AHRR: variants seen among roughly 807,000 people sequenced by gnomAD.
AHRR encodes the protein ahR repressor.
Under a neutral mutation model 44.0 loss-of-function variants are expected in AHRR, and 28 were observed. The observed-to-expected ratio is 0.64, with a 90% CI of 0.47 to 0.87. AHRR has a LOEUF of 0.87. AHRR is among the 40% of genes least tolerant of loss of function. AHRR has a pLI of 0.00. For missense variants in AHRR, 990 were observed against 953.9 expected (o/e 1.04, Z -0.50); for synonymous variants, 434 against 407.0 (o/e 1.07, Z -0.80).
chr5:353,601 C>G, intron 2 of AHRR, 129 bp from the exon 3 acceptor site: 1 of 824,490 alleles, frequency 1.2e-6, no homozygotes, highest in East Asian at 2.6e-5. Flanking sequence ...CTTTAGTCCT[C>G]TTCCCGTCTT....
At chr5:348,404 GT>G (rs1742751570) in intron 2 of AHRR, among the ~76,000 whole-genome samples, 1 of 151,336 alleles carries the variant, frequency 6.6e-6, no homozygotes, top group Non-Finnish European at 1.5e-5. Flanking sequence ...TGAACTGCAC[GT>G]TTAAGGTGTG....
chr5:331,496 CT>C (rs1301339145), intron 1 of AHRR, among the ~76,000 whole-genome samples: 1 of 152,146 alleles, frequency 6.6e-6, no homozygotes, highest in Non-Finnish European at 1.5e-5. Context: ...TTCTTTTCTT[CT>C]GCTAATTTTG....
At chr5:369,745 T>C (rs1455227875) in intron 3 of AHRR, among the ~76,000 whole-genome samples, 1 of 152,230 alleles carries the variant, frequency 6.6e-6, no homozygotes, top group African/African-American at 2.4e-5. Flanking sequence ...AGAAAGTAAC[T>C]GGGTGGTGAG....
Position 395,219 on chromosome 5 carries a change from G to T in AHRR, c.352-18125G>T, listed in dbSNP as rs1734646864. Among the ~76,000 whole-genome samples the T allele has an allele frequency of 1.3e-5, 2 of 152,188 alleles. No homozygotes were observed. The highest frequency in any genetic ancestry group is 4.8e-5 in the African/African-American group (2 of 41,436). On this transcript the variant is annotated intron_variant, in intron 4 of 10. Transcript: ENST00000684583. The surrounding 1 kb of genome is among the most constrained non-coding windows in gnomAD (Gnocchi z 5.3). Reference sequence around the variant, plus strand: ...CCTCAAGTCCCCCTCCTGCCAGGTGGCCGACACTGGCTGCCCTGCGTCCCC... The same window carrying T: ...CCTCAAGTCCCCCTCCTGCCAGGTGTCCGACACTGGCTGCCCTGCGTCCCC...
chr5:360,589 C>A (rs1743143421), intron 3 of AHRR, among the ~76,000 whole-genome samples: 1 of 152,122 alleles, frequency 6.6e-6, no homozygotes, highest in Admixed American at 6.6e-5. Context: ...GAGAGGAGAG[C>A]ATTGTAGGGA....
In AHRR at chr5:434,018, G is replaced by C. The variant is rs775192658; in HGVS notation, c.1278G>C (p.Leu426=). 6.9e-6 allele frequency: 11 copies of C among 1,589,666 alleles called. No homozygotes were observed. Among genetic ancestry groups the C allele is most frequent in the Non-Finnish European group, 6.8e-6 (8 of 1,169,562 alleles). The change falls in exon 11 of 11, where the codon CTG becomes CTC. Residue 426 remains leucine (L), a synonymous_variant. Coordinates refer to ENST00000684583, the MANE Select transcript of AHRR (RefSeq NM_001377236.1). Reference sequence around the variant, plus strand: ...CCAGCAAGAATGACCCGCCCTCCCTGCGCCCCATGCCCCGCGGCTCCTGCC... The same window carrying C: ...CCAGCAAGAATGACCCGCCCTCCCTCCGCCCCATGCCCCGCGGCTCCTGCC... ...LQPSKNDPPS[L]RPMPRGSCLP...
At chr5:431,196 G>A (rs1051292324) in intron 8 of AHRR, among the ~76,000 whole-genome samples, 1 of 152,250 alleles carries the variant, frequency 6.6e-6, no homozygotes. Context: ...CGGCCCTGGG[G>A]TGGAGCGTAG....
chr5:402,508 G>A (rs991519218), intron 4 of AHRR, among the ~76,000 whole-genome samples: 57 of 150,482 alleles, frequency 3.8e-4, no homozygotes, highest in African/African-American at 1.3e-3. Context: ...TGCACTGTTG[G>A]CGGGAAGGCA....
chr5:376,930 A>G (rs1413325789), intron 4 of AHRR, among the ~76,000 whole-genome samples: 1 of 152,148 alleles, frequency 6.6e-6, no homozygotes, highest in African/African-American at 2.4e-5. Context: ...TGAGCCTCGT[A>G]GGCTGGGACA....
rs746874086 is a variant in AHRR at position 343,929 on chromosome 5, C to A, written c.27C>A (p.Tyr9Ter). 25 of 1,600,674 alleles carry A rather than the reference C, an allele frequency of 1.6e-5. No individual in the cohort carries two copies. Among genetic ancestry groups the A allele is most frequent in the Non-Finnish European group, 4.3e-6 (5 of 1,174,306 alleles). Residue 9 changes from tyrosine to a stop codon, truncating the protein, a stop_gained, in exon 2 of 11, where the codon TAC (tyrosine) becomes TAA (stop). Transcript: ENST00000684583. LOFTEE classifies it high-confidence loss of function. ...TGATCCCGCCGGGGGAGTGCACGTA[C>A]GCGGGCCGGAAGCGGAGGAGGCCCC... MIPPGECT[Y>*]AGRKRRRPLQ...
intron 5 of AHRR, among the ~76,000 whole-genome samples, 186 bp downstream of exon 5, chr5:413,619 G>A (rs962607436): frequency 6.6e-6 from 1 of 152,076 alleles, no homozygotes; most frequent in African/African-American, 2.4e-5. Flanking sequence ...GCCTGGGTTC[G>A]GGGTCTCGGC....
chr5:372,177 C>A (rs1743601299), intron 3 of AHRR, among the ~76,000 whole-genome samples: 1 of 152,248 alleles, frequency 6.6e-6, no homozygotes, highest in South Asian at 2.1e-4. Flanking sequence ...TCCCTCCTCC[C>A]CCAGGGCTGG....
intron 1 of AHRR, among the ~76,000 whole-genome samples, chr5:336,409 TC>T (rs1742125240): frequency 6.6e-6 from 1 of 152,220 alleles, no homozygotes; most frequent in South Asian, 2.1e-4. Context: ...TTATTTTGGT[TC>T]TTCTAAGTGG....
chr5:398,795 C>A (rs1323303525), intron 4 of AHRR, among the ~76,000 whole-genome samples: 1 of 152,176 alleles, frequency 6.6e-6, no homozygotes, highest in Non-Finnish European at 1.5e-5. Flanking sequence ...CTGGGTCCTG[C>A]GGGCTCCGGA....
chr5:345,309 G>A lies in AHRR; in HGVS notation c.62+1345G>A, dbSNP rs555433386. ...CGGATGATGTCCCTGGCTGTGTGTGGGGATGTGTGTGTGTGTGTGTGTGGG... is the reference window on the plus strand; with the variant it reads ...CGGATGATGTCCCTGGCTGTGTGTGAGGATGTGTGTGTGTGTGTGTGTGGG... On this transcript the variant is annotated intron_variant, in intron 2 of 10. Transcript: ENST00000684583. Among the ~76,000 whole-genome samples the A allele has an allele frequency of 5.9e-4, 59 of 99,518 alleles. 2 individuals are homozygous for A. Among genetic ancestry groups the A allele is most frequent in the African/African-American group, 3.2e-3 (56 of 17,714 alleles). The allele number at this position is 99,518 out of a possible 152,430, so 65.3% of individuals were successfully genotyped here. A position where few individuals can be genotyped will look rare whatever the true frequency, so the allele number is the denominator to read the frequency against.
In AHRR at chr5:337,158, A is replaced by G. The variant is rs1742168167; in HGVS notation, c.-10-6735A>G. 6.6e-6 allele frequency among the ~76,000 whole-genome samples: 1 copy of G among 152,124 alleles called. No homozygotes were observed. Among genetic ancestry groups the G allele is most frequent in the South Asian group, 2.1e-4 (1 of 4,830 alleles). The stretch of plus-strand genomic sequence containing the variant: ...ATAGAGAAAATTATACAAAGAGCTC[A>G]ATTTTTTCATCAGCTAGCATAGGTA... On this transcript the variant is annotated intron_variant, in intron 1 of 10. Coordinates refer to ENST00000684583, the MANE Select transcript of AHRR (RefSeq NM_001377236.1). The surrounding 1 kb of genome is among the most constrained non-coding windows in gnomAD (Gnocchi z 4.1).
intron 3 of AHRR, among the ~76,000 whole-genome samples, chr5:374,774 T>G (rs1743720430): frequency 6.6e-6 from 1 of 152,198 alleles, no homozygotes; most frequent in Non-Finnish European, 1.5e-5. Context: ...CTCGTCAGCA[T>G]CCCTGCAGCT....
chr5:370,182 C>T lies in AHRR; in HGVS notation c.245-6428C>T, dbSNP rs1201101764. 1.1e-3 allele frequency among the ~76,000 whole-genome samples: 82 copies of T among 74,720 alleles called. 7 individuals are homozygous for T. The highest frequency in any genetic ancestry group is 4.1e-3 in the African/African-American group (79 of 19,422). The allele number at this position is 74,720 out of a possible 152,430, so 49.0% of individuals were successfully genotyped here. On this transcript the variant is annotated intron_variant, in intron 3 of 10. Transcript: ENST00000684583. This position sits in a 1 kb window ranked among gnomAD's most constrained non-coding sequence, Gnocchi z 4.5. ...GCCCTCGCTGGAAGCCCCGTCCTCC[C>T]GGGCCCTCGCTGGTGCCCCGTCCTC...
intron 4 of AHRR, among the ~76,000 whole-genome samples, chr5:410,655 T>C (rs774947859): frequency 3.3e-5 from 5 of 152,240 alleles, no homozygotes; most frequent in Non-Finnish European, 7.3e-5. Flanking sequence ...CCAGGAACAC[T>C]GTGTATCTCT....
Sources: allele counts gnomAD v4.1 joint callset (sites outside exome capture counted in the v4.1 genomes callset), GRCh38; gene constraint gnomAD v4.1.1; non-coding constraint Gnocchi (gnomAD v3.1); transcripts MANE v1.5; gene names NCBI Gene and HGNC (gene_info 2026-07-23, HGNC 2026-07-21).